The following RUFY1 variants were observed in gnomAD, a reference collection of about 807,000 sequenced individuals.
RUFY1 encodes the protein RUN and FYVE domain containing 1, also known as RUN and FYVE domain-containing protein 1.
A neutral mutation model predicts 94.6 loss-of-function variants in RUFY1; 54 were observed. The observed-to-expected ratio is 0.57, with a 90% confidence interval of 0.46 to 0.72. The LOEUF (loss-of-function observed/expected upper bound fraction) is 0.72. Ranked by LOEUF, RUFY1 falls within the 30% of genes least tolerant of loss-of-function variation. The probability of loss-of-function intolerance (pLI) is 0.00; values close to 1 mark genes in which losing one functional copy is unlikely to be tolerated. For missense variants in RUFY1, 883 were observed against 883.9 expected, an observed-to-expected ratio of 1.00 and a Z score of 0.01; for synonymous variants, 396 against 347.3, an observed-to-expected ratio of 1.14 and a Z score of -1.56.
rs1767333590 is a variant in RUFY1, at chr5:179,608,379, C to T, written c.1983+720C>T. ...CTTGCAGTAAGCTCAGAGCTAGAAA[C>T]CACGTCCTGAGGCTGCCTTTGAGAT... is the stretch of plus-strand genomic sequence containing the variant. On this transcript the variant is annotated intron_variant, in intron 17 of 17. Transcript: ENST00000319449. The T allele has an allele frequency of 1.7e-5, 17 of 985,458 alleles. No individual in the cohort carries two copies. The South Asian group carries it at 7.0e-4, about 41-fold the overall frequency. The allele number at this position is 985,458 out of a possible 1,614,324, so 61.0% of individuals were successfully genotyped here. A position where few individuals can be genotyped will look rare whatever the true frequency, so the allele number is the denominator to read the frequency against.
intron 8 of RUFY1, 98 bp downstream of exon 8, chr5:179,585,963 A>G: frequency 1.0e-6 from 1 of 963,518 alleles, no homozygotes; most frequent in South Asian, 1.3e-5. Context: ...TCCTGCTGGT[A>G]GGAAGGGGAC....
intron 3 of RUFY1, among the ~76,000 whole-genome samples, chr5:179,566,172 T>C (rs150823448): frequency 1.3e-5 from 2 of 152,264 alleles, no homozygotes; most frequent in East Asian, 3.9e-4. Flanking sequence ...GTTTACAGTC[T>C]CACCAAGCAG....
chr5:179,580,343 C>A (rs1404595746), intron 6 of RUFY1, among the ~76,000 whole-genome samples: 1 of 150,946 alleles, frequency 6.6e-6, no homozygotes, highest in Non-Finnish European at 1.5e-5. Context: ...CCCGGGTTCA[C>A]GCCATTCTCC....
chr5:179,585,621 TGAAA>T (rs1764545385), intron 7 of RUFY1, among the ~76,000 whole-genome samples, 171 bp from the exon 8 acceptor site: 3 of 152,166 alleles, frequency 2.0e-5, no homozygotes, highest in Admixed American at 2.0e-4. Flanking sequence ...CAAAACTTAT[TGAAA>T]AGTATGTTGC....
chr5:179,577,279 C>T (rs952501437), intron 6 of RUFY1, 143 bp downstream of exon 6: 7 of 553,244 alleles, frequency 1.3e-5, no homozygotes, highest in Non-Finnish European at 1.9e-5. Context: ...TCAAGCGATT[C>T]TTCTGCCTCA....
chr5:179,588,211 G>C (rs1764763403), intron 8 of RUFY1, among the ~76,000 whole-genome samples: 1 of 152,180 alleles, frequency 6.6e-6, no homozygotes, highest in Non-Finnish European at 1.5e-5. Flanking sequence ...AGTCTAAGTG[G>C]AGAGGAATTC....
chr5:179,577,165 T>C (rs1458142031), intron 6 of RUFY1, 29 bp downstream of exon 6: 1 of 1,090,644 alleles, frequency 9.2e-7, no homozygotes, highest in East Asian at 2.6e-5. Context: ...GTCACTTTTT[T>C]TTTTTTTTTT....
chr5:179,554,978 A>G (rs1217461068), intron 1 of RUFY1, among the ~76,000 whole-genome samples: 2 of 151,812 alleles, frequency 1.3e-5, no homozygotes, highest in East Asian at 3.8e-4. Context: ...AAAAAAAAAA[A>G]GGACAAATAC....
At chr5:179,564,323 T>C (rs1373375082) in intron 3 of RUFY1, among the ~76,000 whole-genome samples, 1 of 151,820 alleles carries the variant, frequency 6.6e-6, no homozygotes, top group Non-Finnish European at 1.5e-5. Context: ...TTTCACCACA[T>C]TGGCCAGGCT....
At chr5:179,578,730 A>G (rs1287812918) in intron 6 of RUFY1, among the ~76,000 whole-genome samples, 3 of 151,548 alleles carry the variant, frequency 2.0e-5, no homozygotes, top group African/African-American at 7.3e-5. Flanking sequence ...CGAAACCTCC[A>G]CCTCCCAGGT....
intron 3 of RUFY1, among the ~76,000 whole-genome samples, chr5:179,565,365 G>A (rs1238730473): frequency 1.3e-5 from 2 of 151,774 alleles, no homozygotes; most frequent in African/African-American, 2.4e-5. Flanking sequence ...TTTTAGTTGA[G>A]ATGGGAGTTT....
At chr5:179,580,537 T>G (rs576035577) in intron 6 of RUFY1, among the ~76,000 whole-genome samples, 1 of 146,616 alleles carries the variant, frequency 6.8e-6, no homozygotes, top group Non-Finnish European at 1.5e-5. Flanking sequence ...CCACCACGCC[T>G]GGCCAGTTTT....
At chr5:179,587,680 A>G (rs948586630) in intron 8 of RUFY1, among the ~76,000 whole-genome samples, 4 of 149,846 alleles carry the variant, frequency 2.7e-5, no homozygotes, top group Admixed American at 1.3e-4. Flanking sequence ...GATTACAGGC[A>G]TGAGCCACTG....
intron 17 of RUFY1, chr5:179,608,261 T>G (rs892122770): frequency 1.0e-6 from 1 of 986,846 alleles, no homozygotes; most frequent in African/African-American, 1.7e-5. Flanking sequence ...GCCACAGCCA[T>G]GTTCTGTCTG....
rs71001004 is a variant in RUFY1, at chr5:179,561,678, C to CTTTTTTTT, written c.485-851_485-844dup. Among the ~76,000 whole-genome samples, 25 of 64,604 alleles carry CTTTTTTTT rather than the reference C, an allele frequency of 3.9e-4. 1 individual carries two copies. Among genetic ancestry groups the CTTTTTTTT allele is most frequent in the South Asian group, 6.0e-4 (1 of 1,676 alleles). The allele number at this position is 64,604 out of a possible 152,430, so 42.4% of individuals were successfully genotyped here. Reference sequence around the variant, plus strand: ...CTATAAGGCAACTGTTTTTTTCTTTCTTTTTTTTTTTTTTTTTTTTTTTTT... The same window carrying CTTTTTTTT: ...CTATAAGGCAACTGTTTTTTTCTTTCTTTTTTTTTTTTTTTTTTTTTTTTTTTTTTTTT... On this transcript the variant is annotated intron_variant, in intron 2 of 17. Coordinates refer to ENST00000319449, the MANE Select transcript of RUFY1 (RefSeq NM_025158.5).
chr5:179,577,245 C>T, intron 6 of RUFY1, 109 bp downstream of exon 6: 1 of 664,768 alleles, frequency 1.5e-6, no homozygotes, highest in African/African-American at 2.0e-5. Context: ...AGTCTTGGCT[C>T]ACTGCAACCT....
At chr5:179,574,505 A>C (rs939283509) in intron 5 of RUFY1, among the ~76,000 whole-genome samples, 3 of 152,144 alleles carry the variant, frequency 2.0e-5, no homozygotes, top group African/African-American at 7.2e-5. Context: ...GCTTGCTAGA[A>C]CTTACTGGTA....
At chr5:179,553,369 TG>T (rs1761950888) in intron 1 of RUFY1, among the ~76,000 whole-genome samples, 1 of 152,238 alleles carries the variant, frequency 6.6e-6, no homozygotes, top group African/African-American at 2.4e-5. Context: ...CACTGGGCCT[TG>T]TAAATCATGT....
chr5:179,583,638 G>A (rs762165220), intron 7 of RUFY1, among the ~76,000 whole-genome samples: 6 of 150,958 alleles, frequency 4.0e-5, no homozygotes, highest in Non-Finnish European at 7.4e-5. Flanking sequence ...GGATGGTCTC[G>A]ATCTCCTGAC....
Sources: gnomAD v4.1 joint callset for allele counts (sites outside exome capture counted in the v4.1 genomes callset) on GRCh38, gnomAD v4.1.1 for gene constraint, MANE v1.5 for transcripts, NCBI Gene and HGNC (gene_info 2026-07-23, HGNC 2026-07-21) for gene names.